PIK3AP1: variants seen among roughly 807,000 people sequenced by gnomAD.
PIK3AP1 encodes the protein phosphoinositide 3-kinase adapter protein 1.
Under a neutral mutation model 88.1 loss-of-function variants are expected in PIK3AP1, and 21 were observed. The observed-to-expected ratio is 0.24, with a 90% CI of 0.17 to 0.34. The LOEUF (loss-of-function observed/expected upper bound fraction) is 0.34. Ranked by LOEUF, PIK3AP1 falls within the 10% of genes least tolerant of loss-of-function variation. The pLI is 1.00. For synonymous variants in PIK3AP1, 398 were observed against 400.0 expected (o/e 1.00, Z 0.06); for missense variants, 828 against 1,035.7 (o/e 0.80, Z 2.75).
At chr10:96,657,667 G>C (rs557385507) in intron 2 of PIK3AP1, among the ~76,000 whole-genome samples, 1 of 152,130 alleles carries the variant, frequency 6.6e-6, no homozygotes, top group Non-Finnish European at 1.5e-5. Context: ...TTGTGTGTGT[G>C]TGTGTGTGTG....
intron 2 of PIK3AP1, among the ~76,000 whole-genome samples, chr10:96,693,946 C>T (rs1215043392): frequency 1.3e-5 from 2 of 152,184 alleles, no homozygotes; most frequent in Non-Finnish European, 2.9e-5. Flanking sequence ...GACTGCCCTG[C>T]CTGAAAGCCA....
intron 2 of PIK3AP1, among the ~76,000 whole-genome samples, chr10:96,699,410 G>A (rs1009139654): frequency 1.3e-5 from 2 of 152,046 alleles, no homozygotes; most frequent in African/African-American, 2.4e-5. Context: ...ATCAATAAGA[G>A]AATATTTTAG....
intron 8 of PIK3AP1, among the ~76,000 whole-genome samples, chr10:96,638,986 A>G (rs764439827): frequency 1.3e-5 from 2 of 152,254 alleles, no homozygotes; most frequent in African/African-American, 2.4e-5. Context: ...ATAAAGGAAA[A>G]ACAAATGAAC....
chr10:96,630,315 G>T (rs532546834), intron 8 of PIK3AP1, among the ~76,000 whole-genome samples: 1 of 152,220 alleles, frequency 6.6e-6, no homozygotes, highest in South Asian at 2.1e-4. Context: ...AATCCCGCCC[G>T]CCTGTTCTTG....
At chr10:96,619,088 C>T (rs1459861995) in intron 12 of PIK3AP1, among the ~76,000 whole-genome samples, 1 of 152,216 alleles carries the variant, frequency 6.6e-6, no homozygotes, top group Non-Finnish European at 1.5e-5. Flanking sequence ...CTCTTCGCCT[C>T]TCTGAGCCTC....
At chr10:96,668,698 T>A (rs1843799774) in intron 2 of PIK3AP1, among the ~76,000 whole-genome samples, 1 of 152,100 alleles carries the variant, frequency 6.6e-6, no homozygotes, top group African/African-American at 2.4e-5. Flanking sequence ...ACTTCCAGTG[T>A]GGCTGATGAA....
At chr10:96,656,546 C>T (rs1185024115) in intron 3 of PIK3AP1, among the ~76,000 whole-genome samples, 7 of 152,148 alleles carry the variant, frequency 4.6e-5, no homozygotes, top group South Asian at 2.1e-4. Flanking sequence ...AGGTGCTCTA[C>T]GTTATTACTG....
chr10:96,709,041 G>A (rs1844403015), intron 2 of PIK3AP1, among the ~76,000 whole-genome samples: 1 of 147,492 alleles, frequency 6.8e-6, no homozygotes, highest in Non-Finnish European at 1.5e-5. Flanking sequence ...GCTAAGGCAG[G>A]AGAATCGTTT....
At chr10:96,669,247 G>A (rs554516323) in intron 2 of PIK3AP1, among the ~76,000 whole-genome samples, 3 of 152,268 alleles carry the variant, frequency 2.0e-5, no homozygotes, top group South Asian at 2.1e-4. Context: ...CAGCTGTTAC[G>A]ATGTTCATTC....
At chr10:96,693,441 G>GTGGATGGATGGA (rs3979613) in intron 2 of PIK3AP1, among the ~76,000 whole-genome samples, 10,776 of 150,570 alleles carry the variant, frequency 0.072, 1,118 homozygotes, top group African/African-American at 0.23. Context: ...AGATAGATGA[G>GTGGATGGATGGA]TGGATGGATG....
Position 96,593,781 on chromosome 10 carries a change from A to G in PIK3AP1, c.*1796T>C, listed in dbSNP as rs938880228. The G allele has an allele frequency of 3.3e-5, 5 of 152,248 alleles. No individual in the cohort carries two copies. Among genetic ancestry groups the G allele is most frequent in the Non-Finnish European group, 7.3e-5 (5 of 68,042 alleles). The allele number at this position is 152,248 out of a possible 1,614,324, so 9.4% of individuals were successfully genotyped here. ...AACACTCTCGTGATGGACATGGCCA[A>G]TAGTGTATTTTGTCAAAAAACAAAA... On this transcript the variant is annotated 3_prime_UTR_variant, in exon 17 of 17. Transcript: ENST00000339364.
At chr10:96,620,230 C>T (rs1202750859) in intron 12 of PIK3AP1, 122 bp downstream of exon 12, 11 of 1,044,154 alleles carry the variant, frequency 1.1e-5, no homozygotes, top group Non-Finnish European at 1.3e-5. Flanking sequence ...GAAACTCAAA[C>T]ATTCGCAGGC....
intron 2 of PIK3AP1, among the ~76,000 whole-genome samples, chr10:96,696,617 T>C (rs1388655336): frequency 6.6e-6 from 1 of 152,292 alleles, no homozygotes; most frequent in Middle Eastern, 3.4e-3. Flanking sequence ...CCCCATTTCC[T>C]CTGCCCCCAT....
chr10:96,600,481 AAT>A (rs1243355680), intron 16 of PIK3AP1, among the ~76,000 whole-genome samples: 1 of 152,128 alleles, frequency 6.6e-6, no homozygotes, highest in Non-Finnish European at 1.5e-5. Context: ...TTCCAGGACT[AAT>A]ATTCTAATCC....
chr10:96,669,206 C>T (rs776252781), intron 2 of PIK3AP1, among the ~76,000 whole-genome samples: 3 of 152,140 alleles, frequency 2.0e-5, no homozygotes, highest in Non-Finnish European at 2.9e-5. Context: ...GAGAAACTTC[C>T]AGAGGCTTGT....
At chr10:96,658,475 G>T (rs1349358681) in intron 2 of PIK3AP1, among the ~76,000 whole-genome samples, 1 of 152,146 alleles carries the variant, frequency 6.6e-6, no homozygotes, top group African/African-American at 2.4e-5. Context: ...GCCGAGTTGG[G>T]GGCAGGGCTA....
At chr10:96,651,791 G>A (rs1302631699) in intron 4 of PIK3AP1, 140 bp from the exon 5 acceptor site, 13 of 1,012,436 alleles carry the variant, frequency 1.3e-5, no homozygotes, top group Non-Finnish European at 1.7e-5. Context: ...GGTGAGCTGG[G>A]GCGGGAGTGA....
chr10:96,709,764 T>C lies in PIK3AP1; in HGVS notation c.233A>G (p.His78Arg), dbSNP rs1376938243. ...GGGCAGCAAGGCGGGCTTGTGGAAG[T>C]GCTGCACCAGCTCCGCGGACAGCAG... is the stretch of plus-strand genomic sequence containing the variant. ...VVLLSAELVQ[H>R]FHKPALLPLL... Residue 78 changes from histidine to arginine, a missense_variant, in exon 2 of 17, where the codon CAC (histidine) becomes CGC (arginine). Physicochemically the swap from His to Arg is conservative, Grantham distance 29 (BLOSUM62 0). Coordinates refer to ENST00000339364, the MANE Select transcript of PIK3AP1 (RefSeq NM_152309.3). The C allele has an allele frequency of 4.3e-6, 7 of 1,613,854 alleles. No individual in the cohort carries two copies. The highest frequency in any genetic ancestry group is 5.9e-6 in the Non-Finnish European group (7 of 1,179,846).
chr10:96,636,152 G>A (rs547193899), intron 8 of PIK3AP1, among the ~76,000 whole-genome samples: 17 of 152,278 alleles, frequency 1.1e-4, no homozygotes, highest in Middle Eastern at 3.4e-3. Flanking sequence ...GGGAGGCAGA[G>A]GTTGCAGTGA....
Sources: allele counts gnomAD v4.1 joint callset (sites outside exome capture counted in the v4.1 genomes callset), GRCh38; gene constraint gnomAD v4.1.1; transcripts MANE v1.5; gene names NCBI Gene and HGNC (gene_info 2026-07-23, HGNC 2026-07-21).